The following TPR variants were observed in gnomAD, a reference collection of about 807,000 sequenced individuals.
TPR encodes translocated promoter region, nuclear basket protein.
In TPR, 51 loss-of-function variants were observed where a neutral mutation model predicts 316.1. That is an observed-to-expected ratio of 0.16 (90% CI 0.13 to 0.20). TPR has a LOEUF of 0.20. Ranked by LOEUF, TPR falls within the 10% of genes least tolerant of loss-of-function variation. TPR has a pLI of 1.00. For synonymous variants in TPR, 981 were observed against 914.7 expected, an observed-to-expected ratio of 1.07 and a Z score of -1.31; for missense variants, 2,272 against 2,754.8, an observed-to-expected ratio of 0.82 and a Z score of 3.92.
chr1:186,326,822 G>A (rs1429178101), intron 40 of TPR, among the ~76,000 whole-genome samples: 1 of 147,566 alleles, frequency 6.8e-6, no homozygotes, highest in Non-Finnish European at 1.5e-5. Flanking sequence ...TTAAAATTAG[G>A]TCTAATTGAT....
chr1:186,345,655 T>C lies in TPR; in HGVS notation c.3138A>G (p.Glu1046=), dbSNP rs377682039. The C allele has an allele frequency of 5.5e-5, 89 of 1,613,334 alleles. No individual in the cohort carries two copies. Among genetic ancestry groups the C allele is most frequent in the Non-Finnish European group, 7.5e-5 (88 of 1,179,750 alleles). The change falls in exon 24 of 51, where the codon GAA becomes GAG. Residue 1046 remains glutamate (E), a synonymous_variant. Transcript: ENST00000367478. ...TTGCTCTCTGAAGAGCTTCTTGTACTTCATTCTGAACACTAGAAAGTGTTT... is the reference window on the plus strand; with the variant it reads ...TTGCTCTCTGAAGAGCTTCTTGTACCTCATTCTGAACACTAGAAAGTGTTT... The part of the protein sequence containing the change: ...LKKTLSSVQN[E]VQEALQRAST...
intron 3 of TPR, among the ~76,000 whole-genome samples, chr1:186,368,818 T>C (rs942465433): frequency 3.3e-5 from 5 of 151,656 alleles, no homozygotes; most frequent in Non-Finnish European, 7.4e-5. Flanking sequence ...CAAACAATCA[T>C]TACCAAGGCC....
rs776162971 is a variant in TPR, at chr1:186,362,799, T to C, written c.696+38A>G. 5.9e-6 allele frequency: 9 copies of C among 1,529,258 alleles called. No homozygotes were observed. The Admixed American group carries it at 6.3e-5, about 11-fold the overall frequency. The allele number at this position is 1,529,258 out of a possible 1,614,324, so 94.7% of individuals were successfully genotyped here. A position where few individuals can be genotyped will look rare whatever the true frequency, so the allele number is the denominator to read the frequency against. ...TAAACTGACATACAAATGTAAGTTA[T>C]ACTCAACATGAAGAAAAACACAATT... On this transcript the variant is annotated intron_variant, in intron 6 of 50. Transcript: ENST00000367478.
chr1:186,336,661 G>A lies in TPR; in HGVS notation c.4540C>T (p.Leu1514Phe), dbSNP rs61810290. ...LSEKETEARN[L>F]QEQTVQLQSE... ...TGAAGTTGCACAGTCTGTTCCTGGAGATTTCTTGCTTCTGTCTCTTTTTCA... is the reference window on the plus strand; with the variant it reads ...TGAAGTTGCACAGTCTGTTCCTGGAAATTTCTTGCTTCTGTCTCTTTTTCA... The change falls in exon 33 of 51, where the codon CTC becomes TTC. Residue 1514 changes from leucine to phenylalanine, a missense_variant. Coordinates refer to ENST00000367478, the MANE Select transcript of TPR (RefSeq NM_003292.3). 38 of 1,613,546 alleles carry A rather than the reference G, an allele frequency of 2.4e-5. No homozygotes were observed. Among genetic ancestry groups the A allele is most frequent in the Non-Finnish European group, 2.7e-5 (32 of 1,179,838 alleles).
chr1:186,373,496 A>C, intron 1 of TPR, 33 bp from the exon 2 acceptor site: 1 of 1,362,862 alleles, frequency 7.3e-7, no homozygotes, highest in Non-Finnish European at 1.0e-6. Flanking sequence ...AAAAAACAAA[A>C]TCAAACACAT....
chr1:186,363,215 T>C (rs1659246377), intron 5 of TPR, 127 bp downstream of exon 5: 5 of 1,009,390 alleles, frequency 5.0e-6, no homozygotes, highest in African/African-American at 1.6e-5. Context: ...TAATGCTTAA[T>C]TTTCTGACAT....
At chr1:186,324,532 T>C (rs1571601841) in intron 42 of TPR, among the ~76,000 whole-genome samples, 1 of 152,228 alleles carries the variant, frequency 6.6e-6, no homozygotes, top group Non-Finnish European at 1.5e-5. Flanking sequence ...CAGAATTTCA[T>C]AGTTTAAAAG....
intron 21 of TPR, among the ~76,000 whole-genome samples, chr1:186,349,205 T>C (rs1273865925): frequency 6.6e-6 from 1 of 152,234 alleles, no homozygotes; most frequent in Non-Finnish European, 1.5e-5. Context: ...GCCTATTTTA[T>C]AATGAAGTGT....
intron 36 of TPR, 122 bp from the exon 37 acceptor site, chr1:186,333,516 T>C (rs902018018): frequency 9.3e-6 from 11 of 1,184,878 alleles, no homozygotes; most frequent in Admixed American, 2.5e-5. Context: ...GACAAATACA[T>C]TGTAGGTAAA....
intron 29 of TPR, among the ~76,000 whole-genome samples, chr1:186,340,818 G>A (rs1658488257): frequency 6.6e-6 from 1 of 151,980 alleles, no homozygotes; most frequent in African/African-American, 2.4e-5. Flanking sequence ...CTGCTTTTTA[G>A]AAATATATAT....
intron 21 of TPR, among the ~76,000 whole-genome samples, chr1:186,349,397 T>C (rs766109836): frequency 2.0e-5 from 3 of 152,160 alleles, no homozygotes; most frequent in Non-Finnish European, 4.4e-5. Flanking sequence ...CTTACGCCTG[T>C]AATCCCAGCA....
At position 186,332,320 on chromosome 1, in the gene TPR, A is replaced by G; in HGVS notation, c.5479T>C (p.Leu1827=). The G allele has an allele frequency of 6.2e-7, 1 of 1,612,594 alleles. No homozygotes were observed. The highest frequency in any genetic ancestry group is 8.5e-7 in the Non-Finnish European group (1 of 1,179,232). The change falls in exon 38 of 51, where the codon TTG becomes CTG. Residue 1827 remains leucine (L), a synonymous_variant. Transcript: ENST00000367478. ...TCCTCTTCACGTGTACGCTTTGGCAAAGAAGAACTGGGGGTAGCCGAAACT... is the reference window on the plus strand; with the variant it reads ...TCCTCTTCACGTGTACGCTTTGGCAGAGAAGAACTGGGGGTAGCCGAAACT... The part of the protein sequence containing the change: ...GTVSATPSSS[L]PKRTREEEED...
rs1659682076 is a variant in TPR at position 186,375,236 on chromosome 1, C to G, written c.-208G>C. The G allele has an allele frequency of 6.9e-7, 1 of 1,458,232 alleles. No individual in the cohort carries two copies. Among genetic ancestry groups the G allele is most frequent in the Non-Finnish European group, 9.1e-7 (1 of 1,103,470 alleles). 90.3% of individuals were successfully genotyped at this position (1,458,232 alleles called of 1,614,324 possible). A position where few individuals can be genotyped will look rare whatever the true frequency, so the allele number is the denominator to read the frequency against. ...CGGCAGCGTTTCAGCAACAGCACCTCACCGCCCGCGACCGAAGTGCGCGCG... is the reference window on the plus strand; with the variant it reads ...CGGCAGCGTTTCAGCAACAGCACCTGACCGCCCGCGACCGAAGTGCGCGCG... On this transcript the variant is annotated 5_prime_UTR_variant, in exon 1 of 51. Coordinates refer to ENST00000367478, the MANE Select transcript of TPR (RefSeq NM_003292.3).
chr1:186,327,017 T>C, intron 40 of TPR, among the ~76,000 whole-genome samples: 2 of 86,306 alleles, frequency 2.3e-5, no homozygotes, highest in South Asian at 6.0e-4. Context: ...ATATATAATA[T>C]ATATATTATA....
At chr1:186,338,284 G>A in intron 30 of TPR, 41 bp from the exon 31 acceptor site, 4 of 1,515,928 alleles carry the variant, frequency 2.6e-6, no homozygotes, top group Non-Finnish European at 3.6e-6. Context: ...AAATATATGA[G>A]ACATTTTTCA....
In TPR at chr1:186,354,802, T is replaced by C. The variant is rs144567800; in HGVS notation, c.2171+608A>G. 1.6e-4 allele frequency among the ~76,000 whole-genome samples: 24 copies of C among 152,354 alleles called. No individual in the cohort carries two copies. In the East Asian group the frequency reaches 4.4e-3, roughly 28 times the overall value. On this transcript the variant is annotated intron_variant, in intron 17 of 50. Coordinates refer to ENST00000367478, the MANE Select transcript of TPR (RefSeq NM_003292.3). ...AAATTTGCTCTCATTTCTCTCATCA[T>C]CTGGTGCATTTTTAAAAGAATTAAG...
chr1:186,342,566 G>A (rs1396686549), intron 27 of TPR: 1 of 152,090 alleles, frequency 6.6e-6, no homozygotes, highest in African/African-American at 2.4e-5. Flanking sequence ...GGAACCTTTA[G>A]CTTTTGCTGA....
intron 1 of TPR, 109 bp from the exon 2 acceptor site, chr1:186,373,572 A>G (rs1659596372): frequency 3.3e-6 from 2 of 610,136 alleles, no homozygotes; most frequent in Admixed American, 2.9e-5. Flanking sequence ...AAGATACAGT[A>G]TTAGAATTGT....
intron 4 of TPR, among the ~76,000 whole-genome samples, chr1:186,367,437 T>C (rs1354268313): frequency 2.6e-5 from 4 of 152,230 alleles, no homozygotes; most frequent in African/African-American, 4.8e-5. Flanking sequence ...TATTATATAC[T>C]ACAGTCTATG....
Sources: allele counts gnomAD v4.1 joint callset (sites outside exome capture counted in the v4.1 genomes callset), GRCh38; gene constraint gnomAD v4.1.1; transcripts MANE v1.5; gene names NCBI Gene and HGNC (gene_info 2026-07-23, HGNC 2026-07-21).